CCDC141: variants seen among roughly 807,000 people sequenced by gnomAD.
CCDC141 encodes the protein coiled-coil domain-containing protein 141.
CCDC141 carries 168 observed loss-of-function variants against 181.0 expected under a neutral mutation model. The ratio of observed to expected loss-of-function variants is 0.93; its 90% confidence interval spans 0.82 to 1.05. The LOEUF (loss-of-function observed/expected upper bound fraction) is 1.05, where lower values mean the gene tolerates loss of function less well. Ranked by LOEUF, CCDC141 falls within the 50% of genes least tolerant of loss-of-function variation. CCDC141 has a pLI of 0.00. For missense variants in CCDC141, 1,902 were observed against 1,788.5 expected, an observed-to-expected ratio of 1.06 and a Z score of -1.14; for synonymous variants, 666 against 642.3, an observed-to-expected ratio of 1.04 and a Z score of -0.56.
intron 2 of CCDC141, among the ~76,000 whole-genome samples, chr2:178,989,191 A>G (rs1396490165): frequency 6.6e-6 from 1 of 152,180 alleles, no homozygotes; most frequent in Non-Finnish European, 1.5e-5. Context: ...TACAAAGGAC[A>G]TTATCAAAGA....
chr2:178,911,539 C>T (rs763303625), intron 7 of CCDC141, among the ~76,000 whole-genome samples: 11 of 152,338 alleles, frequency 7.2e-5, no homozygotes, highest in South Asian at 2.1e-4. Context: ...ATTTATTTTA[C>T]ACTCCAACTG....
chr2:178,895,369 G>A (rs1687356106), intron 8 of CCDC141, among the ~76,000 whole-genome samples: 1 of 152,150 alleles, frequency 6.6e-6, no homozygotes, highest in African/African-American at 2.4e-5. Context: ...CCAGGGCAGG[G>A]ATTTCTGCCT....
At chr2:178,871,666 C>A (rs1686126329) in intron 13 of CCDC141, 114 bp from the exon 14 acceptor site, 18 of 1,204,382 alleles carry the variant, frequency 1.5e-5, no homozygotes, top group Non-Finnish European at 2.0e-5. Flanking sequence ...CATGAAAACA[C>A]TCAGGATGTG....
In CCDC141 at chr2:178,944,613, C is replaced by A; in HGVS notation, c.819G>T (p.Gln273His). 1 of 1,529,948 alleles carries A rather than the reference C, an allele frequency of 6.5e-7. No individual in the cohort carries two copies. Among genetic ancestry groups the A allele is most frequent in the Non-Finnish European group, 8.8e-7 (1 of 1,137,638 alleles). 94.8% of individuals were successfully genotyped at this position (1,529,948 alleles called of 1,614,324 possible). Residue 273 changes from glutamine to histidine, a missense_variant, in exon 6 of 24, where the codon CAG becomes CAT. Coordinates refer to ENST00000443758, the MANE Select transcript of CCDC141 (RefSeq NM_173648.4). ...AAAGTGATGAACCTAGACTTTGTTC[C>A]TGTAAATTTCTTATAGTTTTCTGAA... Reference protein sequence around the residue: ...CWFQKTIRNLQEQSLGSSLSD... With the variant: ...CWFQKTIRNLHEQSLGSSLSD...
At chr2:178,908,395 T>C (rs932234025) in intron 7 of CCDC141, among the ~76,000 whole-genome samples, 3 of 152,116 alleles carry the variant, frequency 2.0e-5, no homozygotes, top group Non-Finnish European at 2.9e-5. Flanking sequence ...GGTTTCATCA[T>C]GTTGGCCAGG....
At chr2:178,955,292 A>AAAT (rs560058752) in intron 5 of CCDC141, among the ~76,000 whole-genome samples, 110 of 151,770 alleles carry the variant, frequency 7.2e-4, no homozygotes, top group East Asian at 4.3e-3. Context: ...CTCAAAAAGA[A>AAAT]AATAATAATA....
rs113192551 is a variant in CCDC141, at chr2:178,930,132, TA to T, written c.898-11226del. On this transcript the variant is annotated intron_variant, in intron 6 of 23. Coordinates refer to ENST00000443758, the MANE Select transcript of CCDC141 (RefSeq NM_173648.4). Reference sequence around the variant, plus strand: ...AAGTTGGAGAGTATAAAATCAACGTTAAAAAAAAATCACTTGTGTTTCTATA... The same window carrying T: ...AAGTTGGAGAGTATAAAATCAACGTTAAAAAAAATCACTTGTGTTTCTATA... Among the ~76,000 whole-genome samples the T allele has an allele frequency of 2.1e-3, 323 of 151,268 alleles. 2 individuals carry two copies. The highest frequency in any genetic ancestry group is 6.1e-3 in the African/African-American group (252 of 41,320).
chr2:178,881,487 G>A (rs919943386), intron 11 of CCDC141, among the ~76,000 whole-genome samples: 6 of 152,106 alleles, frequency 3.9e-5, no homozygotes, highest in African/African-American at 1.2e-4. Flanking sequence ...AAATAAATAC[G>A]GCAGAAAGAT....
At chr2:178,948,387 G>T (rs1206729437) in intron 5 of CCDC141, among the ~76,000 whole-genome samples, 1 of 151,980 alleles carries the variant, frequency 6.6e-6, no homozygotes, top group Non-Finnish European at 1.5e-5. Context: ...TATTATTATT[G>T]GATGGTTCTC....
At position 178,962,102 on chromosome 2, in the gene CCDC141, T is replaced by TA. The variant is rs553517667; in HGVS notation, c.527-620dup. On this transcript the variant is annotated intron_variant, in intron 4 of 23. Coordinates refer to ENST00000443758, the MANE Select transcript of CCDC141 (RefSeq NM_173648.4). ...ATCTTTCATAATTCATATTTTTAAT[T>TA]AAAAAAATCACAGGATAATGAAGCA... 2.0e-3 allele frequency among the ~76,000 whole-genome samples: 310 copies of TA among 152,208 alleles called. 1 individual carries two copies. Among genetic ancestry groups the TA allele is most frequent in the African/African-American group, 7.0e-3 (290 of 41,546 alleles).
chr2:178,824,397 C>A, the CCDC141 span, among the ~76,000 whole-genome samples: 4 of 151,870 alleles, frequency 2.6e-5, no homozygotes, highest in African/African-American at 9.7e-5. Flanking sequence ...CTGAGGCAGG[C>A]GGATCACCTG....
Position 178,900,996 on chromosome 2 carries a change from G to T in CCDC141, c.1265+4333C>A, listed in dbSNP as rs188471783. 2.0e-3 allele frequency among the ~76,000 whole-genome samples: 302 copies of T among 152,248 alleles called. 1 individual carries two copies. Among genetic ancestry groups the T allele is most frequent in the Admixed American group, 3.7e-3 (56 of 15,276 alleles). On this transcript the variant is annotated intron_variant, in intron 8 of 23. Coordinates refer to ENST00000443758, the MANE Select transcript of CCDC141 (RefSeq NM_173648.4). ...TTTTAGATCAAAGCTCAGAGAGGTG[G>T]AACTAAGCAGAGCCTGGATTTCTTG...
chr2:178,896,514 A>G (rs1687415334), intron 8 of CCDC141, among the ~76,000 whole-genome samples: 1 of 152,222 alleles, frequency 6.6e-6, no homozygotes, highest in Non-Finnish European at 1.5e-5. Flanking sequence ...AACTGAAAGA[A>G]AGAAAAACTT....
intron 5 of CCDC141, among the ~76,000 whole-genome samples, chr2:178,947,958 G>A (rs189508375): frequency 9.8e-5 from 15 of 152,292 alleles, no homozygotes; most frequent in African/African-American, 3.4e-4. Flanking sequence ...CAAGCAGTTT[G>A]GGAAGCTGAG....
intron 8 of CCDC141, among the ~76,000 whole-genome samples, chr2:178,901,366 T>G (rs917912518): frequency 1.3e-5 from 2 of 151,952 alleles, no homozygotes; most frequent in African/African-American, 4.8e-5. Context: ...AATAAAATAC[T>G]GGCAAACCGA....
intron 8 of CCDC141, among the ~76,000 whole-genome samples, chr2:178,889,488 A>G (rs559685419): frequency 2.0e-5 from 3 of 152,322 alleles, no homozygotes; most frequent in African/African-American, 7.2e-5. Context: ...TACTGTATTA[A>G]TAAAGATGAA....
chr2:178,872,032 G>T (rs1332185336), intron 13 of CCDC141, 101 bp downstream of exon 13: 1 of 1,134,834 alleles, frequency 8.8e-7, no homozygotes, highest in Middle Eastern at 2.1e-4. Flanking sequence ...TTATCCTTTT[G>T]TGTTTGGCTT....
At chr2:179,007,721 C>T (rs2042154916) in intron 2 of CCDC141, among the ~76,000 whole-genome samples, 1 of 152,170 alleles carries the variant, frequency 6.6e-6, no homozygotes, top group South Asian at 2.1e-4. Context: ...TGCAATAATA[C>T]TATCTCTTCT....
chr2:178,998,953 C>T (rs180893664), intron 2 of CCDC141, among the ~76,000 whole-genome samples: 14 of 152,236 alleles, frequency 9.2e-5, no homozygotes, highest in African/African-American at 3.1e-4. Context: ...ACAAGTGATT[C>T]TAAAATTTGA....
Sources: allele counts gnomAD v4.1 joint callset (sites outside exome capture counted in the v4.1 genomes callset), GRCh38; gene constraint gnomAD v4.1.1; transcripts MANE v1.5; gene names NCBI Gene and HGNC (gene_info 2026-07-23, HGNC 2026-07-21).